The following MRTFB variants were observed in gnomAD, a reference collection of about 807,000 sequenced individuals.
MRTFB encodes the protein myocardin-related transcription factor B.
MRTFB carries 29 observed loss-of-function variants against 104.2 expected under a neutral mutation model. The observed-to-expected ratio is 0.28, with a 90% confidence interval of 0.21 to 0.38. The LOEUF is 0.38. Among genes scored for constraint, MRTFB ranks in the 10% least tolerant of loss-of-function variants. The probability of loss-of-function intolerance (pLI) is 1.00; values close to 1 mark genes in which losing one functional copy is unlikely to be tolerated. For synonymous variants in MRTFB, 535 were observed against 519.5 expected, an observed-to-expected ratio of 1.03 and a Z score of -0.41; for missense variants, 1,270 against 1,341.6, an observed-to-expected ratio of 0.95 and a Z score of 0.83.
chr16:14,070,019 G>A (rs1015572499), upstream of MRTFB, among the ~76,000 whole-genome samples: 1 of 152,208 alleles, frequency 6.6e-6, no homozygotes, highest in Admixed American at 6.5e-5. Flanking sequence ...TTGGTTCCGG[G>A]GAGAGTGGAC....
At chr16:14,200,473 C>G in intron 3 of MRTFB, 2 of 1,610,594 alleles carry the variant, frequency 1.2e-6, no homozygotes, top group East Asian at 2.2e-5. Flanking sequence ...CATCGTTTTT[C>G]CACTTATTCT....
chr16:13,996,310 T>C, the MRTFB span, among the ~76,000 whole-genome samples: 1 of 149,122 alleles, frequency 6.7e-6, no homozygotes. Flanking sequence ...AAAAAGAAGG[T>C]AACCAGGCTT....
chr16:13,998,291 A>G, the MRTFB span, among the ~76,000 whole-genome samples: 1 of 151,856 alleles, frequency 6.6e-6, no homozygotes, highest in South Asian at 2.1e-4. Flanking sequence ...CTGTGGCCTC[A>G]GTGAAATTTT....
chr16:14,035,061 T>C, the MRTFB span, among the ~76,000 whole-genome samples: 1 of 152,226 alleles, frequency 6.6e-6, no homozygotes, highest in African/African-American at 2.4e-5. Context: ...CTTGAGCTTT[T>C]GGAGATTTCA....
At chr16:14,042,541 A>T in the MRTFB span, among the ~76,000 whole-genome samples, 1 of 152,182 alleles carries the variant, frequency 6.6e-6, no homozygotes, top group Admixed American at 6.5e-5. Flanking sequence ...TGGGGAAGTT[A>T]TGGTTCTGGG....
In MRTFB at chr16:14,248,896, A is replaced by C. The variant is rs377506978; in HGVS notation, c.2248-30A>C. 253 of 1,608,066 alleles carry C rather than the reference A, an allele frequency of 1.6e-4. 2 individuals carry two copies. The Middle Eastern group carries it at 1.8e-3, about 12-fold the overall frequency. Reference sequence around the variant, plus strand: ...TTTCTAACTTTGATTCTGACAATTAAATTGATGTTTTTTTCAATTCACCTC... The same window carrying C: ...TTTCTAACTTTGATTCTGACAATTACATTGATGTTTTTTTCAATTCACCTC... On this transcript the variant is annotated intron_variant, in intron 12 of 16. Transcript: ENST00000571589.
chr16:14,252,142 A>G, intron 14 of MRTFB, 119 bp downstream of exon 14: 3 of 1,292,250 alleles, frequency 2.3e-6, no homozygotes, highest in Non-Finnish European at 3.2e-6. Flanking sequence ...TTGAAAATAC[A>G]GTGATAACTT....
intron 3 of MRTFB, among the ~76,000 whole-genome samples, chr16:14,202,599 G>C (rs1310155727): frequency 1.3e-5 from 2 of 151,982 alleles, no homozygotes; most frequent in Non-Finnish European, 2.9e-5. Flanking sequence ...TTTATATTTG[G>C]AGAAAAAAAG....
chr16:14,235,125 T>G (rs1238834987), intron 9 of MRTFB, among the ~76,000 whole-genome samples: 1 of 152,198 alleles, frequency 6.6e-6, no homozygotes, highest in Non-Finnish European at 1.5e-5. Context: ...CTCCCCAACC[T>G]GTTGCAGAAC....
At position 14,113,008 on chromosome 16, in the gene MRTFB, C is replaced by CT. The variant is rs1284882623; in HGVS notation, c.-63-27535dup. Among the ~76,000 whole-genome samples, 17 of 152,276 alleles carry CT rather than the reference C, an allele frequency of 1.1e-4. No homozygotes were observed. In the South Asian group the frequency reaches 2.5e-3, roughly 22 times the overall value. ...GTATATTACACGAGGGCAGAAATTT[C>CT]TGTCTAGGTTATTATGTCTTTATTT... On this transcript the variant is annotated intron_variant, in intron 2 of 16. Transcript: ENST00000571589.
intron 2 of MRTFB, among the ~76,000 whole-genome samples, chr16:14,111,069 G>A (rs2036243835): frequency 6.6e-6 from 1 of 152,176 alleles, no homozygotes; most frequent in Non-Finnish European, 1.5e-5. Context: ...CTGTTTATAT[G>A]AGCATTCCAT....
At chr16:14,102,516 C>T (rs768581711) in intron 2 of MRTFB, among the ~76,000 whole-genome samples, 3 of 152,144 alleles carry the variant, frequency 2.0e-5, no homozygotes, top group Non-Finnish European at 4.4e-5. Flanking sequence ...AATTAAGGGT[C>T]ATATACAGAT....
At chr16:14,178,741 G>GT (rs921778193) in intron 3 of MRTFB, among the ~76,000 whole-genome samples, 8 of 151,570 alleles carry the variant, frequency 5.3e-5, no homozygotes, top group African/African-American at 1.5e-4. Flanking sequence ...GGCAGGGGAG[G>GT]TTTTTTTTGT....
At chr16:14,097,969 T>C (rs1272109647) in intron 2 of MRTFB, among the ~76,000 whole-genome samples, 1 of 152,018 alleles carries the variant, frequency 6.6e-6, no homozygotes, top group Non-Finnish European at 1.5e-5. Context: ...TGTATATCTG[T>C]TCACTGTTTT....
chr16:13,996,203 C>T, the MRTFB span, among the ~76,000 whole-genome samples: 39 of 151,848 alleles, frequency 2.6e-4, no homozygotes, highest in African/African-American at 8.9e-4. Context: ...ACCCAGGAGG[C>T]GGAGGTTGCA....
intron 2 of MRTFB, among the ~76,000 whole-genome samples, chr16:14,086,204 C>G (rs1185756566): frequency 6.6e-6 from 1 of 152,132 alleles, no homozygotes; most frequent in Non-Finnish European, 1.5e-5. Context: ...GTCCAGTATC[C>G]TGTCTTTTAA....
chr16:14,219,846 A>G (rs1210228025), intron 8 of MRTFB, among the ~76,000 whole-genome samples: 1 of 152,200 alleles, frequency 6.6e-6, no homozygotes, highest in East Asian at 1.9e-4. Context: ...CTGTTAGCAG[A>G]TAAGAGCTAC....
the MRTFB span, among the ~76,000 whole-genome samples, chr16:14,029,420 A>ATG: frequency 2.4e-5 from 1 of 41,690 alleles, no homozygotes; most frequent in Non-Finnish European, 7.3e-5. Flanking sequence ...AAAAAAAAAA[A>ATG]TATATATATA....
chr16:14,106,602 C>G (rs2035990904), intron 2 of MRTFB, among the ~76,000 whole-genome samples: 1 of 152,156 alleles, frequency 6.6e-6, no homozygotes, highest in Admixed American at 6.5e-5. Flanking sequence ...AAGGGTAGAG[C>G]TCAAAGTTTG....
Sources: allele counts gnomAD v4.1 joint callset (sites outside exome capture counted in the v4.1 genomes callset), GRCh38; gene constraint gnomAD v4.1.1; transcripts MANE v1.5; gene names NCBI Gene and HGNC (gene_info 2026-07-23, HGNC 2026-07-21).